TNFRSF8: variants seen among roughly 807,000 people sequenced by gnomAD.
TNFRSF8 encodes TNF receptor superfamily member 8, also known as tumor necrosis factor receptor superfamily member 8.
In TNFRSF8, 26 loss-of-function variants were observed where a neutral mutation model predicts 70.8. That is an observed-to-expected ratio of 0.37 (90% CI 0.27 to 0.51). The LOEUF (loss-of-function observed/expected upper bound fraction) is 0.51. TNFRSF8 is among the 20% of genes least tolerant of loss of function. The pLI is 0.94. For synonymous variants in TNFRSF8, 356 were observed against 339.2 expected (o/e 1.05, Z -0.54); for missense variants, 720 against 807.9 (o/e 0.89, Z 1.32).
At chr1:12,064,886 G>C (rs1390353515) in intron 1 of TNFRSF8, among the ~76,000 whole-genome samples, 2 of 152,088 alleles carry the variant, frequency 1.3e-5, no homozygotes, top group Non-Finnish European at 2.9e-5. Context: ...TTGGGGAGAT[G>C]AAGGGAAGGA....
At chr1:12,078,005 T>C (rs1004986995) in intron 1 of TNFRSF8, 2 of 152,138 alleles carry the variant, frequency 1.3e-5, no homozygotes, top group African/African-American at 2.4e-5. Context: ...GCTTTATTCA[T>C]AGCTGGGTTG....
At position 12,083,903 on chromosome 1, in the gene TNFRSF8, C is replaced by A. The variant is rs758797109; in HGVS notation, c.64-561C>A. ...CCAAAAGCAGTCAACACTAATAGAG[C>A]GATAGAAATCAGCCTTTTGGGAGGA... is the stretch of plus-strand genomic sequence containing the variant. On this transcript the variant is annotated intron_variant, in intron 1 of 14. Coordinates refer to ENST00000263932, the MANE Select transcript of TNFRSF8 (RefSeq NM_001243.5). 2.0e-5 allele frequency among the ~76,000 whole-genome samples: 3 copies of A among 152,038 alleles called. No homozygotes were observed. The East Asian group carries it at 5.8e-4, about 29-fold the overall frequency.
intron 2 of TNFRSF8, among the ~76,000 whole-genome samples, chr1:12,094,158 T>C (rs1641291678): frequency 6.6e-6 from 1 of 151,326 alleles, no homozygotes; most frequent in Admixed American, 6.6e-5. Flanking sequence ...GACATTCTTA[T>C]GGGGAATTTA....
In TNFRSF8 at chr1:12,067,389, TG is replaced by T. The variant is rs1445677428; in HGVS notation, c.63+3729del. 2.6e-5 allele frequency among the ~76,000 whole-genome samples: 4 copies of T among 152,150 alleles called. No homozygotes were observed. The East Asian group carries it at 7.7e-4, about 29-fold the overall frequency. On this transcript the variant is annotated intron_variant, in intron 1 of 14. Transcript: ENST00000263932. ...CAGGCTGGGACCAGGAAGGTTCTCATGAAAGTATCTTAGCTGGGGCCGGGCG... is the reference window on the plus strand; with the variant it reads ...CAGGCTGGGACCAGGAAGGTTCTCATAAAGTATCTTAGCTGGGGCCGGGCG...
chr1:12,070,679 G>A (rs907358836), intron 1 of TNFRSF8, among the ~76,000 whole-genome samples: 15 of 152,166 alleles, frequency 9.9e-5, no homozygotes, highest in African/African-American at 3.1e-4. Flanking sequence ...TGGTGGGAGC[G>A]CAGAGGGCAG....
intron 1 of TNFRSF8, among the ~76,000 whole-genome samples, chr1:12,069,359 A>G (rs1436854745): frequency 2.0e-5 from 3 of 151,044 alleles, no homozygotes; most frequent in Non-Finnish European, 4.4e-5. Flanking sequence ...TTGTATTTTT[A>G]TTAGAGACGG....
intron 10 of TNFRSF8, among the ~76,000 whole-genome samples, 168 bp downstream of exon 10, chr1:12,123,995 C>T (rs1367926777): frequency 6.6e-6 from 1 of 152,140 alleles, no homozygotes; most frequent in African/African-American, 2.4e-5. Flanking sequence ...GTGGCTCTGG[C>T]ACTTGCTAGT....
At chr1:12,114,365 A>G (rs1297182479) in intron 7 of TNFRSF8, among the ~76,000 whole-genome samples, 1 of 152,194 alleles carries the variant, frequency 6.6e-6, no homozygotes, top group African/African-American at 2.4e-5. Flanking sequence ...AATAGCTGCC[A>G]TTGTCCCAAA....
intron 1 of TNFRSF8, among the ~76,000 whole-genome samples, chr1:12,070,470 G>C (rs1474628179): frequency 3.9e-5 from 6 of 152,150 alleles, no homozygotes; most frequent in African/African-American, 1.4e-4. Flanking sequence ...CAGCCAGGAT[G>C]GTCTGATCTC....
chr1:12,115,450 AG>A, intron 7 of TNFRSF8, 126 bp from the exon 8 acceptor site: 1 of 1,042,502 alleles, frequency 9.6e-7, no homozygotes, highest in East Asian at 2.4e-5. Context: ...CGGCATAGTC[AG>A]ACGAGCATTT....
intron 12 of TNFRSF8, among the ~76,000 whole-genome samples, 163 bp from the exon 13 acceptor site, chr1:12,135,425 C>G (rs1642127912): frequency 6.6e-6 from 1 of 150,586 alleles, no homozygotes; most frequent in Admixed American, 6.6e-5. Context: ...GGGGTGGGCA[C>G]TGACTCTGAA....
At chr1:12,089,096 C>A (rs552574908) in intron 2 of TNFRSF8, among the ~76,000 whole-genome samples, 2 of 151,574 alleles carry the variant, frequency 1.3e-5, no homozygotes, top group Non-Finnish European at 2.9e-5. Context: ...GATTCTATCT[C>A]GAAAAAAAAG....
In TNFRSF8 at chr1:12,104,373, C is replaced by T. The variant is rs1641479528; in HGVS notation, c.269-6C>T. On this transcript the variant is annotated splice_polypyrimidine_tract_variant and splice_region_variant and intron_variant, in intron 3 of 14. Coordinates refer to ENST00000263932, the MANE Select transcript of TNFRSF8 (RefSeq NM_001243.5). ...CCCCTCTGTGACCCCTGTCTGTGTC[C>T]CTTAGACGACCTCGTGGAGAAGACG... The T allele has an allele frequency of 1.2e-6, 2 of 1,614,088 alleles. No individual in the cohort carries two copies. Among genetic ancestry groups the T allele is most frequent in the Non-Finnish European group, 1.7e-6 (2 of 1,180,014 alleles).
chr1:12,138,399 G>A lies in TNFRSF8; in HGVS notation c.1506G>A (p.Glu502=). The part of the protein sequence containing the change: ...GGPSSPRDLP[E]PRVSTEHTNN... ...CCTCGTCCCCCAGGGACCTTCCTGA[G>A]CCCCGGGTGTCCACGGAGCACACCA... The change falls in exon 14 of 15, where the codon GAG becomes GAA. Residue 502 remains glutamate, a synonymous_variant. Transcript: ENST00000263932. This position sits in a 1 kb window ranked among gnomAD's most constrained non-coding sequence, Gnocchi z 5.7. 6.2e-7 allele frequency: 1 copy of A among 1,613,560 alleles called. No individual in the cohort carries two copies. Among genetic ancestry groups the A allele is most frequent in the African/African-American group, 1.3e-5 (1 of 75,046 alleles).
intron 1 of TNFRSF8, among the ~76,000 whole-genome samples, chr1:12,075,279 TC>T (rs1446090843): frequency 6.7e-6 from 1 of 149,648 alleles, no homozygotes; most frequent in Non-Finnish European, 1.5e-5. Context: ...AGAGACAGGG[TC>T]TTGCTATGTT....
intron 1 of TNFRSF8, among the ~76,000 whole-genome samples, chr1:12,070,507 T>A (rs1397697790): frequency 6.6e-6 from 1 of 152,182 alleles, no homozygotes; most frequent in Non-Finnish European, 1.5e-5. Flanking sequence ...CCCGCCTATG[T>A]AGAGACAGGG....
intron 14 of TNFRSF8, among the ~76,000 whole-genome samples, chr1:12,139,247 A>G (rs1642211573): frequency 6.6e-6 from 1 of 152,126 alleles, no homozygotes. Flanking sequence ...GCTGACAGCA[A>G]GTTGTAGCTC....
chr1:12,086,418 G>GT (rs1243346393), intron 2 of TNFRSF8, among the ~76,000 whole-genome samples: 1 of 151,996 alleles, frequency 6.6e-6, no homozygotes, highest in Admixed American at 6.6e-5. Context: ...GGGTCCCCTG[G>GT]TTTTTTCAGT....
At chr1:12,077,599 C>T (rs553814896) in intron 1 of TNFRSF8, among the ~76,000 whole-genome samples, 7 of 152,174 alleles carry the variant, frequency 4.6e-5, no homozygotes, top group Non-Finnish European at 1.0e-4. Context: ...TTAAAGCTTC[C>T]GCTAGGCACA....
Sources: gnomAD v4.1 joint callset for allele counts (sites outside exome capture counted in the v4.1 genomes callset) on GRCh38, gnomAD v4.1.1 for gene constraint, Gnocchi (gnomAD v3.1) non-coding constraint, MANE v1.5 for transcripts, NCBI Gene and HGNC (gene_info 2026-07-23, HGNC 2026-07-21) for gene names.